The following STXBP5L variants were observed in gnomAD, a reference collection of about 807,000 sequenced individuals.
The protein encoded by STXBP5L is syntaxin binding protein 5L.
STXBP5L carries 65 observed loss-of-function variants against 144.5 expected under a neutral mutation model. The ratio of observed to expected loss-of-function variants is 0.45; its 90% CI spans 0.37 to 0.55. The LOEUF is 0.55. STXBP5L is among the 20% of genes least tolerant of loss of function. STXBP5L has a pLI of 0.00. For missense variants in STXBP5L, 1,298 were observed against 1,405.5 expected, an observed-to-expected ratio of 0.92 and a Z score of 1.22; for synonymous variants, 505 against 469.6, an observed-to-expected ratio of 1.08 and a Z score of -0.97.
intron 3 of STXBP5L, among the ~76,000 whole-genome samples, chr3:121,015,518 A>T (rs1047100803): frequency 2.0e-5 from 3 of 152,148 alleles, no homozygotes; most frequent in African/African-American, 4.8e-5. Context: ...CTTTTTTCAA[A>T]TTGGTGGGTG....
chr3:121,206,087 G>T (rs1313599825), intron 10 of STXBP5L, 86 bp downstream of exon 10: 8 of 764,022 alleles, frequency 1.0e-5, no homozygotes, highest in African/African-American at 3.6e-5. Flanking sequence ...ATTGTTTAAA[G>T]TTTTACAAAA....
chr3:121,047,674 C>CT (rs1401096519), intron 5 of STXBP5L, among the ~76,000 whole-genome samples: 1 of 152,030 alleles, frequency 6.6e-6, no homozygotes, highest in African/African-American at 2.4e-5. Flanking sequence ...ACAACCCCTG[C>CT]TTTTTTCTGA....
At chr3:121,314,477 C>G (rs762605481) in intron 19 of STXBP5L, among the ~76,000 whole-genome samples, 1 of 142,698 alleles carries the variant, frequency 7.0e-6, no homozygotes, top group Non-Finnish European at 1.5e-5. Context: ...CGCCTGCAAT[C>G]GCAGGCACTC....
At chr3:121,051,247 T>A (rs1947964323) in intron 5 of STXBP5L, among the ~76,000 whole-genome samples, 1 of 152,106 alleles carries the variant, frequency 6.6e-6, no homozygotes, top group Non-Finnish European at 1.5e-5. Flanking sequence ...AATAGACATC[T>A]ACAGAACTCT....
intron 5 of STXBP5L, among the ~76,000 whole-genome samples, chr3:121,045,772 G>C (rs764522095): frequency 6.6e-6 from 1 of 152,046 alleles, no homozygotes; most frequent in African/African-American, 2.4e-5. Flanking sequence ...GAGATTATGG[G>C]GTTTTCTATG....
chr3:120,912,298 A>G (rs1012412745), intron 2 of STXBP5L, among the ~76,000 whole-genome samples: 2 of 152,062 alleles, frequency 1.3e-5, no homozygotes, highest in South Asian at 2.1e-4. Flanking sequence ...AAAATTCTAT[A>G]TTGGTTTCCT....
chr3:121,350,934 C>T (rs969126017), intron 20 of STXBP5L, among the ~76,000 whole-genome samples: 22 of 152,132 alleles, frequency 1.4e-4, no homozygotes, highest in African/African-American at 4.8e-4. Context: ...GTAGTTTGAT[C>T]ATCTGAAGCC....
intron 3 of STXBP5L, among the ~76,000 whole-genome samples, chr3:121,007,321 A>G (rs912452714): frequency 1.3e-5 from 2 of 151,994 alleles, no homozygotes; most frequent in Non-Finnish European, 2.9e-5. Context: ...TTGTTTCTAA[A>G]GAATATTTGT....
At chr3:121,190,929 C>A in intron 9 of STXBP5L, among the ~76,000 whole-genome samples, 1 of 151,874 alleles carries the variant, frequency 6.6e-6, no homozygotes. Context: ...AGGAGCTCTT[C>A]ATATCTCAGA....
intron 9 of STXBP5L, among the ~76,000 whole-genome samples, chr3:121,197,854 C>T (rs1406995589): frequency 6.6e-6 from 1 of 152,176 alleles, no homozygotes; most frequent in East Asian, 1.9e-4. Context: ...CATAGTATTC[C>T]ATGGTGTATA....
At chr3:121,077,234 C>T (rs1402803584) in intron 5 of STXBP5L, among the ~76,000 whole-genome samples, 1 of 152,166 alleles carries the variant, frequency 6.6e-6, no homozygotes, top group Non-Finnish European at 1.5e-5. Context: ...GTCTCCACTC[C>T]CGGATGGGTC....
chr3:120,962,660 T>C (rs1939000126), intron 3 of STXBP5L, among the ~76,000 whole-genome samples: 1 of 152,226 alleles, frequency 6.6e-6, no homozygotes, highest in Non-Finnish European at 1.5e-5. Flanking sequence ...ACCAGTACCA[T>C]GCTGTTTTGC....
chr3:121,299,975 C>CAAA (rs35062789), intron 19 of STXBP5L, among the ~76,000 whole-genome samples: 5 of 115,736 alleles, frequency 4.3e-5, no homozygotes, highest in African/African-American at 1.6e-4. Flanking sequence ...GACCTGATCT[C>CAAA]AAAAAAAAAA....
chr3:121,217,464 G>T (rs2048818578), intron 10 of STXBP5L, among the ~76,000 whole-genome samples: 1 of 152,086 alleles, frequency 6.6e-6, no homozygotes, highest in Non-Finnish European at 1.5e-5. Flanking sequence ...CACTTCCCGG[G>T]TGAGGTGATG....
At chr3:121,244,011 C>T (rs540681705) in intron 14 of STXBP5L, among the ~76,000 whole-genome samples, 20 of 151,928 alleles carry the variant, frequency 1.3e-4, no homozygotes, top group East Asian at 1.9e-4. Flanking sequence ...AGTGTGTTTA[C>T]GTAAAATTAA....
intron 2 of STXBP5L, among the ~76,000 whole-genome samples, chr3:120,948,835 T>C (rs913637773): frequency 1.3e-5 from 2 of 152,022 alleles, no homozygotes; most frequent in African/African-American, 4.8e-5. Flanking sequence ...TCCATATTTT[T>C]CTGCGATTGG....
chr3:121,210,841 G>A (rs1433954942), intron 10 of STXBP5L, among the ~76,000 whole-genome samples: 1 of 152,190 alleles, frequency 6.6e-6, no homozygotes, highest in African/African-American at 2.4e-5. Context: ...TAGCCTTGTA[G>A]TATAGTTTGA....
chr3:120,950,459 C>T (rs947739556), intron 2 of STXBP5L, among the ~76,000 whole-genome samples: 6 of 152,020 alleles, frequency 3.9e-5, no homozygotes, highest in African/African-American at 1.4e-4. Context: ...TGTGAGTTAC[C>T]TAACTTTGTT....
At chr3:121,102,231 C>G (rs1459197826) in intron 5 of STXBP5L, among the ~76,000 whole-genome samples, 2 of 151,930 alleles carry the variant, frequency 1.3e-5, no homozygotes, top group Non-Finnish European at 2.9e-5. Context: ...CATGTGGAAC[C>G]AAAATAGAGC....
Sources: gnomAD v4.1 joint callset for allele counts (sites outside exome capture counted in the v4.1 genomes callset) on GRCh38, gnomAD v4.1.1 for gene constraint, MANE v1.5 for transcripts, NCBI Gene and HGNC (gene_info 2026-07-23, HGNC 2026-07-21) for gene names.